Variants in GALNT5 observed in about 807,000 individuals in gnomAD.
The protein encoded by GALNT5 is polypeptide N-acetylgalactosaminyltransferase 5, also known as UDP-GalNAc:polypeptide N-acetylgalactosaminyltransferase 5.
Under a neutral mutation model 85.4 loss-of-function variants are expected in GALNT5, and 72 were observed. That is an observed-to-expected ratio of 0.84 (90% CI 0.70 to 1.03). The LOEUF (loss-of-function observed/expected upper bound fraction) is 1.03, where lower values mean the gene tolerates loss of function less well. GALNT5 is among the 50% of genes least tolerant of loss of function. GALNT5 has a pLI of 0.00. For missense variants in GALNT5, 1,137 were observed against 1,135.5 expected, an observed-to-expected ratio of 1.00 and a Z score of -0.02; for synonymous variants, 404 against 397.0, an observed-to-expected ratio of 1.02 and a Z score of -0.21.
chr2:157,308,991 C>G (rs1683514174), intron 9 of GALNT5, among the ~76,000 whole-genome samples: 1 of 151,828 alleles, frequency 6.6e-6, no homozygotes, highest in African/African-American at 2.4e-5. Flanking sequence ...CTATCATTTG[C>G]TTCAGTCAAT....
In GALNT5 at chr2:157,314,262, G is replaced by C. The variant is rs947524319; in HGVS notation, c.*2914G>C. The C allele has an allele frequency of 2.6e-5, 4 of 151,492 alleles. No homozygotes were observed. Among genetic ancestry groups the C allele is most frequent in the African/African-American group, 9.7e-5 (4 of 41,200 alleles). The allele number at this position is 151,492 out of a possible 1,614,324, so 9.4% of individuals were successfully genotyped here. On this transcript the variant is annotated 3_prime_UTR_variant, in exon 10 of 10. Coordinates refer to ENST00000259056, the MANE Select transcript of GALNT5 (RefSeq NM_014568.3). ...ATCTTGTTACCTTGAATACAAGGGT[G>C]GTCTTGATAATATTTGACAGCACTA...
Position 157,314,906 on chromosome 2 carries a change from C to A in GALNT5, c.*3558C>A, listed in dbSNP as rs746121738. ...CAGCCTGGGCAACATGGTGAAACCC[C>A]GTCTCTACTAAAAATACAAAAATTA... On this transcript the variant is annotated 3_prime_UTR_variant, in exon 10 of 10. Transcript: ENST00000259056. 3.3e-5 allele frequency among the ~76,000 whole-genome samples: 5 copies of A among 151,938 alleles called. No individual in the cohort carries two copies. The highest frequency in any genetic ancestry group is 1.2e-4 in the African/African-American group (5 of 41,380).
chr2:157,273,820 T>C (rs1682653885), intron 1 of GALNT5, among the ~76,000 whole-genome samples: 1 of 151,046 alleles, frequency 6.6e-6, no homozygotes, highest in African/African-American at 2.4e-5. Flanking sequence ...TTTTTTGTAT[T>C]TTTTTTATTA....
chr2:157,295,559 T>G, intron 3 of GALNT5, 104 bp from the exon 4 acceptor site: 1 of 850,852 alleles, frequency 1.2e-6, no homozygotes, highest in Non-Finnish European at 1.8e-6. Context: ...GTCACTGCAT[T>G]TATAGCCACA....
In GALNT5 at chr2:157,258,609, CA is replaced by C; in HGVS notation, c.531del (p.Gly178GlufsTer4). The C allele has an allele frequency of 6.2e-7, 1 of 1,613,540 alleles. No homozygotes were observed. The highest frequency in any genetic ancestry group is 8.5e-7 in the Non-Finnish European group (1 of 1,179,890). ...QGAPKTSFIA[A>X]KGTQVVKISV... Reference sequence around the variant, plus strand: ...GCTCCAAAGACCTCATTCATAGCAGCAAAAGGAACTCAGGTAGTCAAAATAT... The same window carrying C: ...GCTCCAAAGACCTCATTCATAGCAGCAAAGGAACTCAGGTAGTCAAAATAT... On this transcript the variant is annotated frameshift_variant, in exon 1 of 10. Transcript: ENST00000259056. LOFTEE classifies it high-confidence loss of function.
intron 9 of GALNT5, among the ~76,000 whole-genome samples, chr2:157,310,112 T>C (rs1683537821): frequency 6.6e-6 from 1 of 152,176 alleles, no homozygotes; most frequent in African/African-American, 2.4e-5. Context: ...TAGCAGTTTC[T>C]CTTAAGCGGT....
At chr2:157,265,942 G>C (rs1057510063) in intron 1 of GALNT5, among the ~76,000 whole-genome samples, 7 of 151,178 alleles carry the variant, frequency 4.6e-5, no homozygotes, top group Admixed American at 2.6e-4. Flanking sequence ...TGAGGAAACA[G>C]TGTTTACAAA....
intron 1 of GALNT5, among the ~76,000 whole-genome samples, chr2:157,276,635 A>T (rs981611642): frequency 6.6e-5 from 10 of 152,112 alleles, no homozygotes; most frequent in Admixed American, 2.6e-4. Context: ...GTATTCTCTG[A>T]TGGTAGTTTG....
rs1682269105 is a variant in GALNT5, at chr2:157,258,987, C to T, written c.905C>T (p.Ser302Leu). 6.7e-7 allele frequency: 1 copy of T among 1,499,002 alleles called. No homozygotes were observed. Among genetic ancestry groups the T allele is most frequent in the Non-Finnish European group, 8.9e-7 (1 of 1,123,742 alleles). 92.9% of individuals were successfully genotyped at this position (1,499,002 alleles called of 1,614,324 possible). The change falls in exon 1 of 10, where the codon TCA becomes TTA. Residue 302 changes from serine to leucine, a missense_variant. Ser to Leu is a moderately radical substitution (Grantham distance 145). Transcript: ENST00000259056. The stretch of plus-strand genomic sequence containing the variant: ...AATGAGACACCTTTGGGAAGTTTGT[C>T]AAAGGATGATGGAGCTAGAGGGGCT... ...SINETPLGSL[S>L]KDDGARGAHG...
At chr2:157,284,617 C>G (rs760864607) in intron 2 of GALNT5, among the ~76,000 whole-genome samples, 169 bp downstream of exon 2, 1 of 152,170 alleles carries the variant, frequency 6.6e-6, no homozygotes, top group Non-Finnish European at 1.5e-5. Context: ...CATCTATGGA[C>G]GTTAAAAGTC....
At chr2:157,284,135 T>A in intron 1 of GALNT5, 147 bp from the exon 2 acceptor site, 1 of 609,474 alleles carries the variant, frequency 1.6e-6, no homozygotes, top group South Asian at 2.2e-5. Context: ...ATCATTGGTA[T>A]ATATAAATAG....
intron 1 of GALNT5, among the ~76,000 whole-genome samples, chr2:157,277,570 T>C (rs1227232969): frequency 4.6e-5 from 7 of 152,238 alleles, no homozygotes; most frequent in Non-Finnish European, 8.8e-5. Flanking sequence ...TTTACCATTA[T>C]GTAATGGCCT....
At chr2:157,309,919 C>A (rs944072762) in intron 9 of GALNT5, among the ~76,000 whole-genome samples, 29 of 151,972 alleles carry the variant, frequency 1.9e-4, no homozygotes, top group African/African-American at 7.0e-4. Context: ...CATAAACATG[C>A]AGTGTAGTGA....
intron 1 of GALNT5, among the ~76,000 whole-genome samples, chr2:157,262,117 T>C (rs1682354537): frequency 6.6e-6 from 1 of 151,864 alleles, no homozygotes; most frequent in African/African-American, 2.4e-5. Context: ...TTTTGGCCTA[T>C]TCATTTCCCC....
chr2:157,261,019 A>T (rs1340146714), intron 1 of GALNT5, among the ~76,000 whole-genome samples: 1 of 152,080 alleles, frequency 6.6e-6, no homozygotes, highest in Non-Finnish European at 1.5e-5. Flanking sequence ...ATTATTCTGC[A>T]CTCTCTTCCA....
At chr2:157,261,081 CTCTAA>C (rs1223930649) in intron 1 of GALNT5, among the ~76,000 whole-genome samples, 2 of 152,194 alleles carry the variant, frequency 1.3e-5, no homozygotes, top group Admixed American at 1.3e-4. Context: ...GTTGGCCCAG[CTCTAA>C]TCTAAAGTCC....
rs1052173374 is a variant in GALNT5, at chr2:157,286,104, G to T, written c.1711G>T (p.Ala571Ser). Residue 571 changes from alanine (A) to serine (S), a missense_variant, in exon 3 of 10, where the codon GCC becomes TCC. By Grantham distance (99) the Ala-to-Ser change is moderately conservative. Transcript: ENST00000259056. Reference sequence around the variant, plus strand: ...CAAAGAGAGACATGGCTTAATAAGGGCCAGGCTGGCAGGAGCACAGAATGC... The same window carrying T: ...CAAAGAGAGACATGGCTTAATAAGGTCCAGGCTGGCAGGAGCACAGAATGC... ...RLKERHGLIR[A>S]RLAGAQNATG... is the part of the protein sequence containing the mutation. The T allele has an allele frequency of 1.2e-6, 2 of 1,613,338 alleles. No homozygotes were observed. Among genetic ancestry groups the T allele is most frequent in the African/African-American group, 2.7e-5 (2 of 74,924 alleles).
At chr2:157,271,835 A>G (rs1465676379) in intron 1 of GALNT5, among the ~76,000 whole-genome samples, 1 of 152,230 alleles carries the variant, frequency 6.6e-6, no homozygotes, top group Non-Finnish European at 1.5e-5. Flanking sequence ...TGACCTGTAT[A>G]TAAACTATGA....
At chr2:157,278,479 T>C (rs564238904) in intron 1 of GALNT5, among the ~76,000 whole-genome samples, 2 of 152,332 alleles carry the variant, frequency 1.3e-5, no homozygotes, top group Non-Finnish European at 2.9e-5. Context: ...TCTTTTCACA[T>C]AGTCCCATAT....
Sources: allele counts gnomAD v4.1 joint callset (sites outside exome capture counted in the v4.1 genomes callset), GRCh38; gene constraint gnomAD v4.1.1; transcripts MANE v1.5; gene names NCBI Gene and HGNC (gene_info 2026-07-23, HGNC 2026-07-21).